Variants in TACR1 observed in about 807,000 individuals in gnomAD.
The protein encoded by TACR1 is tachykinin receptor 1.
In TACR1, 25 loss-of-function variants were observed where a neutral mutation model predicts 35.8. The observed-to-expected ratio is 0.70, with a 90% confidence interval of 0.51 to 0.98. The LOEUF (loss-of-function observed/expected upper bound fraction) is 0.98, where lower values mean the gene tolerates loss of function less well. Ranked by LOEUF, TACR1 falls within the 50% of genes least tolerant of loss-of-function variation. TACR1 has a pLI of 0.00. For missense variants in TACR1, 478 were observed against 522.9 expected (o/e 0.91, Z 0.84); for synonymous variants, 195 against 206.7 (o/e 0.94, Z 0.48).
chr2:75,129,890 A>G lies in TACR1; in HGVS notation c.390-9122T>C, dbSNP rs139131979. Among the ~76,000 whole-genome samples the G allele has an allele frequency of 3.9e-3, 593 of 152,296 alleles. 6 individuals are homozygous for G. Among genetic ancestry groups the G allele is most frequent in the African/African-American group, 0.013 (552 of 41,554 alleles). ...GGCACTTGGGGCCAAAGGAAGGACT[A>G]GGAAGGGGAATGATATTTCCCTGCC... On this transcript the variant is annotated intron_variant, in intron 1 of 4. Coordinates refer to ENST00000305249, the MANE Select transcript of TACR1 (RefSeq NM_001058.4).
chr2:75,050,637 A>G (rs1454585332), intron 4 of TACR1, among the ~76,000 whole-genome samples: 4 of 152,222 alleles, frequency 2.6e-5, no homozygotes. Flanking sequence ...TGCCATCTGC[A>G]GGATGGCTCT....
intron 1 of TACR1, among the ~76,000 whole-genome samples, chr2:75,154,168 C>CCGGCT (rs1378923462): frequency 6.6e-6 from 1 of 152,064 alleles, no homozygotes; most frequent in Non-Finnish European, 1.5e-5. Flanking sequence ...TGCCTTCCTC[C>CCGGCT]CGGCTCCTGG....
At chr2:75,092,127 G>A (rs1172286064) in intron 2 of TACR1, among the ~76,000 whole-genome samples, 2 of 152,218 alleles carry the variant, frequency 1.3e-5, no homozygotes, top group African/African-American at 4.8e-5. Flanking sequence ...CTAGTGAGCA[G>A]CAGAGGGTGA....
In TACR1 at chr2:75,055,918, A is replaced by T. The variant is rs148383162; in HGVS notation, c.585-2163T>A. 3.3e-3 allele frequency among the ~76,000 whole-genome samples: 500 copies of T among 152,366 alleles called. 5 individuals are homozygous for T. Among genetic ancestry groups the T allele is most frequent in the African/African-American group, 0.011 (471 of 41,588 alleles). On this transcript the variant is annotated intron_variant, in intron 2 of 4. Coordinates refer to ENST00000305249, the MANE Select transcript of TACR1 (RefSeq NM_001058.4). The stretch of plus-strand genomic sequence containing the variant: ...GTTGCTGTTTGTGGTTCAGACTTTG[A>T]GAAACATTGTCTTAGGCCAACGGTT...
intron 1 of TACR1, among the ~76,000 whole-genome samples, chr2:75,136,351 G>T (rs924479480): frequency 1.3e-5 from 2 of 152,176 alleles, no homozygotes; most frequent in Non-Finnish European, 2.9e-5. Context: ...TTAGTGCAGT[G>T]TATTAACAAA....
At chr2:75,082,001 A>G (rs1463371832) in intron 2 of TACR1, among the ~76,000 whole-genome samples, 8 of 151,446 alleles carry the variant, frequency 5.3e-5, no homozygotes, top group Non-Finnish European at 8.8e-5. Context: ...TACATGTGCT[A>G]TGTTGGTGTG....
chr2:75,059,396 A>G (rs1206689710), intron 2 of TACR1, among the ~76,000 whole-genome samples: 1 of 152,210 alleles, frequency 6.6e-6, no homozygotes, highest in East Asian at 1.9e-4. Flanking sequence ...TTGGAAGCAC[A>G]TAGCTCTTGG....
chr2:75,053,898 T>G, intron 2 of TACR1, 143 bp from the exon 3 acceptor site: 2 of 1,065,702 alleles, frequency 1.9e-6, no homozygotes, highest in Non-Finnish European at 2.7e-6. Flanking sequence ...TAAAGCCCAC[T>G]CCAGGGAGAC....
chr2:75,171,967 C>A (rs2104019361), intron 1 of TACR1, among the ~76,000 whole-genome samples: 1 of 152,130 alleles, frequency 6.6e-6, no homozygotes, highest in South Asian at 2.1e-4. Context: ...ATTGGGAAGG[C>A]ATGATTGGTT....
rs539336382 is a variant in TACR1 at position 75,115,517 on chromosome 2, C to A, written c.584+5057G>T. ...TATATAAATGTTATGCATGGTGGCA[C>A]TCTGTAATAGCAAACCGTTGAAGAC... On this transcript the variant is annotated intron_variant, in intron 2 of 4. Transcript: ENST00000305249. Among the ~76,000 whole-genome samples the A allele has an allele frequency of 2.0e-5, 3 of 152,178 alleles. No homozygotes were observed. In the South Asian group the frequency reaches 6.2e-4, roughly 32 times the overall value.
At chr2:75,173,878 T>A (rs974573767) in intron 1 of TACR1, among the ~76,000 whole-genome samples, 1 of 152,218 alleles carries the variant, frequency 6.6e-6, no homozygotes, top group African/African-American at 2.4e-5. Flanking sequence ...AGTTCTGTAA[T>A]GAGGTGTCTT....
At chr2:75,167,636 C>A (rs892244468) in intron 1 of TACR1, among the ~76,000 whole-genome samples, 1 of 151,992 alleles carries the variant, frequency 6.6e-6, no homozygotes, top group African/African-American at 2.4e-5. Flanking sequence ...ACAAAAACTA[C>A]AAGGAAATAG....
intron 2 of TACR1, among the ~76,000 whole-genome samples, chr2:75,062,350 A>G (rs1054480171): frequency 6.6e-6 from 1 of 152,194 alleles, no homozygotes; most frequent in Admixed American, 6.5e-5. Context: ...GAGAAAATGG[A>G]TTGATATCTT....
At chr2:75,185,354 C>T (rs952023033) in intron 1 of TACR1, among the ~76,000 whole-genome samples, 1 of 151,340 alleles carries the variant, frequency 6.6e-6, no homozygotes. Context: ...AAAGAGAAAG[C>T]ACAAAAGAAA....
Position 75,159,103 on chromosome 2 carries a change from A to G in TACR1, c.390-38335T>C, listed in dbSNP as rs994919188. Among the ~76,000 whole-genome samples, 4 of 152,078 alleles carry G rather than the reference A, an allele frequency of 2.6e-5. 1 individual carries two copies. Among genetic ancestry groups the G allele is most frequent in the Middle Eastern group, 6.3e-3 (2 of 316 alleles). On this transcript the variant is annotated intron_variant, in intron 1 of 4. Coordinates refer to ENST00000305249, the MANE Select transcript of TACR1 (RefSeq NM_001058.4). ...AACAATGTAGCTAATTTTGTAGGAAAGGCCAAAGTAGCTAATTTTGTAGGG... is the reference window on the plus strand; with the variant it reads ...AACAATGTAGCTAATTTTGTAGGAAGGGCCAAAGTAGCTAATTTTGTAGGG...
chr2:75,196,487 A>G (rs1675978027), intron 1 of TACR1, among the ~76,000 whole-genome samples: 2 of 152,132 alleles, frequency 1.3e-5, no homozygotes, highest in South Asian at 2.1e-4. Context: ...ACATGGTGAC[A>G]TTCCCTGTCG....
At chr2:75,109,705 T>G (rs1673714412) in intron 2 of TACR1, among the ~76,000 whole-genome samples, 1 of 152,074 alleles carries the variant, frequency 6.6e-6, no homozygotes, top group Non-Finnish European at 1.5e-5. Context: ...GGGCAGAAAA[T>G]ACTGCTTTCA....
intron 1 of TACR1, among the ~76,000 whole-genome samples, chr2:75,174,129 A>G (rs540750027): frequency 2.0e-5 from 3 of 152,284 alleles, no homozygotes; most frequent in South Asian, 2.1e-4. Context: ...CTTTCTCTTG[A>G]TATGATACCC....
chr2:75,074,979 G>A (rs1381933121), intron 2 of TACR1, among the ~76,000 whole-genome samples: 1 of 152,170 alleles, frequency 6.6e-6, no homozygotes, highest in Non-Finnish European at 1.5e-5. Flanking sequence ...CTTTAGATGT[G>A]GAAGCACTGA....
Sources: allele counts gnomAD v4.1 joint callset (sites outside exome capture counted in the v4.1 genomes callset), GRCh38; gene constraint gnomAD v4.1.1; transcripts MANE v1.5; gene names NCBI Gene and HGNC (gene_info 2026-07-23, HGNC 2026-07-21).